NBDY: variants seen among roughly 807,000 people sequenced by gnomAD.
NBDY encodes P-body dissociating protein.
At chrX:56,794,991 G>A (rs1490207634) in intron 2 of NBDY, among the ~76,000 whole-genome samples, 1 of 112,000 alleles carries the variant, frequency 8.9e-6, no homozygotes, top group Non-Finnish European at 1.9e-5. Context: ...CCCAGAAGTG[G>A]GAGGGGTATT....
At chrX:56,783,207 G>C (rs890269880) in intron 2 of NBDY, among the ~76,000 whole-genome samples, 6 of 112,710 alleles carry the variant, frequency 5.3e-5, no homozygotes, top group African/African-American at 1.9e-4. Flanking sequence ...CTAGGATGGC[G>C]GCCTGTCTCC....
At chrX:56,759,322 C>T (rs183884153) in intron 2 of NBDY, among the ~76,000 whole-genome samples, 1 of 111,852 alleles carries the variant, frequency 8.9e-6, no homozygotes, top group African/African-American at 3.3e-5. Context: ...TTTGTCATTA[C>T]TTTCTGCACT....
At chrX:56,789,525 C>T (rs1249336786) in intron 2 of NBDY, among the ~76,000 whole-genome samples, 6 of 112,306 alleles carry the variant, frequency 5.3e-5, no homozygotes, top group South Asian at 3.8e-4. Context: ...CACTCTTCCT[C>T]TTGGGGAAGG....
intron 2 of NBDY, among the ~76,000 whole-genome samples, chrX:56,748,081 C>G (rs896040141): frequency 9.0e-6 from 1 of 110,987 alleles, no homozygotes; most frequent in African/African-American, 3.3e-5. Flanking sequence ...GTCTTAAGGT[C>G]CATCAGCTGA....
intron 2 of NBDY, among the ~76,000 whole-genome samples, chrX:56,746,838 T>G (rs1270729611): frequency 8.9e-6 from 1 of 111,893 alleles, no homozygotes; most frequent in Non-Finnish European, 1.9e-5. Flanking sequence ...CTCTCATACT[T>G]AGAATTTCTC....
At chrX:56,763,130 G>C (rs1329280626) in intron 2 of NBDY, among the ~76,000 whole-genome samples, 1 of 112,834 alleles carries the variant, frequency 8.9e-6, no homozygotes, top group Non-Finnish European at 1.9e-5. Flanking sequence ...GAATCAATGT[G>C]GGAAGTCTGT....
chrX:56,793,021 A>G (rs1317679478), intron 2 of NBDY, among the ~76,000 whole-genome samples: 1 of 111,446 alleles, frequency 9.0e-6, no homozygotes, highest in Non-Finnish European at 1.9e-5. Flanking sequence ...CTGAGCCACC[A>G]TCCTCCCACC....
intron 2 of NBDY, among the ~76,000 whole-genome samples, chrX:56,763,829 TG>T (rs2069651196): frequency 8.9e-6 from 1 of 112,684 alleles, no homozygotes; most frequent in African/African-American, 3.2e-5. Flanking sequence ...TCTTTTTTTT[TG>T]TTTCTCTTTC....
intron 2 of NBDY, among the ~76,000 whole-genome samples, chrX:56,800,810 T>G (rs996695137): frequency 9.0e-6 from 1 of 111,112 alleles, no homozygotes; most frequent in Non-Finnish European, 1.9e-5. Context: ...AAGCCTACTT[T>G]TCCTAAGGAA....
chrX:56,767,018 A>C (rs1183093638), intron 2 of NBDY, among the ~76,000 whole-genome samples: 4 of 112,755 alleles, frequency 3.5e-5, no homozygotes, highest in African/African-American at 1.3e-4. Context: ...TGCCATCCCA[A>C]GGTGGTAAAC....
intron 2 of NBDY, among the ~76,000 whole-genome samples, chrX:56,802,523 C>T (rs990352162): frequency 5.5e-5 from 6 of 109,364 alleles, no homozygotes; most frequent in East Asian, 2.9e-4. Flanking sequence ...TCCTGCCACA[C>T]GCCCTGTGAC....
chrX:56,740,414 ATGTGT>A (rs2069525980), intron 2 of NBDY, among the ~76,000 whole-genome samples: 5 of 111,673 alleles, frequency 4.5e-5, no homozygotes, highest in African/African-American at 1.6e-4. Flanking sequence ...CTAGTGTTTT[ATGTGT>A]GCCTGGAAAG....
chrX:56,795,679 A>G (rs2069788234), intron 2 of NBDY, among the ~76,000 whole-genome samples: 1 of 111,548 alleles, frequency 9.0e-6, no homozygotes, highest in Non-Finnish European at 1.9e-5. Context: ...ATGGGCCTGC[A>G]CTCTCTGGGC....
chrX:56,740,700 AT>A (rs756003591), intron 2 of NBDY, among the ~76,000 whole-genome samples: 4 of 110,501 alleles, frequency 3.6e-5, no homozygotes, highest in Non-Finnish European at 7.6e-5. Context: ...TTGAATGTAA[AT>A]TTTTTTTGTT....
intron 2 of NBDY, among the ~76,000 whole-genome samples, chrX:56,795,993 A>G (rs1218456008): frequency 9.1e-6 from 1 of 109,606 alleles, no homozygotes; most frequent in Non-Finnish European, 1.9e-5. Context: ...ATGTATCCCC[A>G]CCCATGCTCA....
intron 2 of NBDY, among the ~76,000 whole-genome samples, chrX:56,810,702 T>C (rs1240732827): frequency 9.0e-6 from 1 of 111,015 alleles, no homozygotes; most frequent in Non-Finnish European, 1.9e-5. Flanking sequence ...AACATGTTCC[T>C]TTAGCTTGGA....
At chrX:56,809,210 G>A (rs914736077) in intron 2 of NBDY, among the ~76,000 whole-genome samples, 1 of 112,062 alleles carries the variant, frequency 8.9e-6, no homozygotes, top group African/African-American at 3.3e-5. Flanking sequence ...GCAATGTGCT[G>A]CTGAGAAGAA....
In NBDY at chrX:56,764,138, G is replaced by C. The variant is rs764667435; in HGVS notation, c.*166+31939G>C. Among the ~76,000 whole-genome samples, 6 of 112,106 alleles carry C rather than the reference G, an allele frequency of 5.4e-5. No homozygotes were observed. In the East Asian group the frequency reaches 1.7e-3, roughly 32 times the overall value. The stretch of plus-strand genomic sequence containing the variant: ...CTCTCCGAAAAAAAGGGCAGGTAGG[G>C]GCGACCCACCATGGGTTCCCCTGGT... On this transcript the variant is annotated intron_variant, in intron 2 of 2. Transcript: ENST00000374922.
At chrX:56,736,314 AAGTGCAGTGGCGCAATCTAGGCCCACTGC>A (rs1315133087) in intron 2 of NBDY, among the ~76,000 whole-genome samples, 2 of 112,071 alleles carry the variant, frequency 1.8e-5, no homozygotes, top group African/African-American at 3.2e-5. Flanking sequence ...GCTCAGGCTG[AAGTGCAGTGGCGCAATCTAGGCCCACTGC>A]AGCCTCCGCC....
Sources: gnomAD v4.1 joint callset for allele counts (sites outside exome capture counted in the v4.1 genomes callset) on GRCh38, gnomAD v4.1.1 for gene constraint, MANE v1.5 for transcripts, NCBI Gene and HGNC (gene_info 2026-07-23, HGNC 2026-07-21) for gene names.